The following DNAH10 variants were observed in gnomAD, a reference collection of about 807,000 sequenced individuals.
The protein encoded by DNAH10 is dynein axonemal heavy chain 10, also known as axonemal beta dynein heavy chain 10.
DNAH10 carries 348 observed loss-of-function variants against 506.6 expected under a neutral mutation model. The observed-to-expected ratio is 0.69, with a 90% CI of 0.63 to 0.75. The LOEUF (loss-of-function observed/expected upper bound fraction) is 0.75. DNAH10 is among the 30% of genes least tolerant of loss of function. The probability of loss-of-function intolerance (pLI) is 0.00; values close to 1 mark genes in which losing one functional copy is unlikely to be tolerated. For missense variants in DNAH10, 5,179 were observed against 5,787.1 expected (o/e 0.89, Z 3.41); for synonymous variants, 2,059 against 2,198.6 (o/e 0.94, Z 1.78).
chr12:123,773,049 C>G, intron 4 of DNAH10, 107 bp downstream of exon 4: 3 of 748,618 alleles, frequency 4.0e-6, no homozygotes, highest in Non-Finnish European at 6.6e-6. Context: ...TTCACCTATG[C>G]CAAGCTCTCT....
intron 9 of DNAH10, 115 bp downstream of exon 9, chr12:123,786,051 A>G (rs911767972): frequency 3.9e-5 from 47 of 1,198,634 alleles, no homozygotes; most frequent in Non-Finnish European, 5.7e-6. Context: ...CTTAAAATGT[A>G]CAATTCACTG....
At chr12:123,921,238 C>G (rs1238298964) in intron 65 of DNAH10, among the ~76,000 whole-genome samples, 1 of 152,224 alleles carries the variant, frequency 6.6e-6, no homozygotes, top group Non-Finnish European at 1.5e-5. Context: ...AGTGAAGAGT[C>G]TTCAGCCTTT....
At chr12:123,848,585 C>A in intron 33 of DNAH10, 145 bp from the exon 34 acceptor site, 1 of 1,160,122 alleles carries the variant, frequency 8.6e-7, no homozygotes, top group Non-Finnish European at 1.2e-6. Flanking sequence ...CCAGAAAAAT[C>A]CACTAGTCAA....
At position 123,917,848 on chromosome 12, in the gene DNAH10, C is replaced by A. The variant is rs1175903717; in HGVS notation, c.11232+35C>A. The stretch of plus-strand genomic sequence containing the variant: ...ACAGTGGAAGAGGCCGTGAGTCAGG[C>A]GGGGCCTGCATGCGCCGTTGGAGCG... On this transcript the variant is annotated intron_variant, in intron 64 of 78. Transcript: ENST00000673944. This position sits in a 1 kb window ranked among gnomAD's most constrained non-coding sequence, Gnocchi z 5.6. 6.5e-7 allele frequency: 1 copy of A among 1,548,222 alleles called. No homozygotes were observed.
In DNAH10 at chr12:123,881,827, C is replaced by A. The variant is rs1449133782; in HGVS notation, c.8823+14C>A. On this transcript the variant is annotated intron_variant, in intron 51 of 78. Transcript: ENST00000673944. ...GCCAGCTGTGAGGTCAGTCCACGTA[C>A]CCTCCCAGAAATAGGTTTACGATGC... The A allele has an allele frequency of 6.8e-7, 1 of 1,466,116 alleles. No individual in the cohort carries two copies. Among genetic ancestry groups the A allele is most frequent in the Non-Finnish European group, 9.0e-7 (1 of 1,107,930 alleles). 90.8% of individuals were successfully genotyped at this position (1,466,116 alleles called of 1,614,324 possible). A position where few individuals can be genotyped will look rare whatever the true frequency, so the allele number is the denominator to read the frequency against.
chr12:123,799,155 T>C, intron 13 of DNAH10, 91 bp from the exon 14 acceptor site: 1 of 755,234 alleles, frequency 1.3e-6, no homozygotes, highest in African/African-American at 1.9e-5. Context: ...TTATATATTA[T>C]ATTTATAATT....
Position 123,879,745 on chromosome 12 carries a change from G to T in DNAH10, c.8578G>T (p.Glu2860Ter). The T allele has an allele frequency of 1.2e-6, 2 of 1,614,032 alleles. No homozygotes were observed. Among genetic ancestry groups the T allele is most frequent in the Non-Finnish European group, 1.7e-6 (2 of 1,179,890 alleles). The change falls in exon 50 of 79, where the codon GAA becomes TAA. Residue 2860 changes from glutamate (E) to a stop codon, truncating the protein, a stop_gained. Coordinates refer to ENST00000673944, the MANE Select transcript of DNAH10 (RefSeq NM_001372106.1). LOFTEE classifies it high-confidence loss of function. ...CTTCCAGATGGCTCTGCACGAAGGA[G>T]AACCACGCATTTATGAAGACATCCA... ...GDFQMALHEG[E>*]PRIYEDIQDY...
chr12:123,893,168 T>C (rs1460377176), intron 52 of DNAH10, 65 bp from the exon 53 acceptor site: 3 of 1,503,268 alleles, frequency 2.0e-6, no homozygotes, highest in Non-Finnish European at 2.7e-6. Context: ...CATCACTCAG[T>C]CAGCACTTAG....
At chr12:123,799,189 G>GCCGTT in intron 13 of DNAH10, 57 bp from the exon 14 acceptor site, 1 of 1,220,164 alleles carries the variant, frequency 8.2e-7, no homozygotes, top group Non-Finnish European at 1.1e-6. Flanking sequence ...TGTGTAGAGC[G>GCCGTT]AGATGAAAAA....
chr12:123,884,833 C>T (rs1243254991), intron 51 of DNAH10, among the ~76,000 whole-genome samples: 1 of 152,156 alleles, frequency 6.6e-6, no homozygotes. Flanking sequence ...GCAGAAGCGT[C>T]TAAAAAAATA....
chr12:123,866,011 G>T lies in DNAH10; in HGVS notation c.7105G>T (p.Asp2369Tyr). 1.2e-6 allele frequency: 2 copies of T among 1,612,234 alleles called. No homozygotes were observed. The highest frequency in any genetic ancestry group is 1.7e-6 in the Non-Finnish European group (2 of 1,179,436). ...CTCTCGATGTGGAATGGTTTATGTG[G>T]ATCCTAAAAACTTGAAATATCGACC... ...TVSRCGMVYV[D>Y]PKNLKYRPYW... is the part of the protein sequence containing the mutation. The change falls in exon 41 of 79, where the codon GAT (aspartate) becomes TAT (tyrosine). Residue 2369 changes from aspartate (D) to tyrosine (Y), a missense_variant. By Grantham distance (160) the Asp-to-Tyr change is radical. This residue lies in a region of DNAH10 where 4,844 missense variants were observed against 5,430.5 expected (regional missense o/e 0.89). Coordinates refer to ENST00000673944, the MANE Select transcript of DNAH10 (RefSeq NM_001372106.1).
chr12:123,922,474 C>T (rs1257637886), intron 65 of DNAH10, among the ~76,000 whole-genome samples: 1 of 152,154 alleles, frequency 6.6e-6, no homozygotes, highest in East Asian at 1.9e-4. Context: ...GTGGGTAGGA[C>T]ACACTCGTGT....
chr12:123,882,077 A>G (rs1952534601), intron 51 of DNAH10: 1 of 353,356 alleles, frequency 2.8e-6, no homozygotes, highest in Non-Finnish European at 5.0e-6. Flanking sequence ...TAAGTCAAAA[A>G]TATTGTCAGT....
At chr12:123,912,752 T>C (rs1228591854) in intron 59 of DNAH10, among the ~76,000 whole-genome samples, 1 of 152,212 alleles carries the variant, frequency 6.6e-6, no homozygotes, top group Non-Finnish European at 1.5e-5. Context: ...CTCGGAATTG[T>C]ATTATTCAGA....
Position 123,846,188 on chromosome 12 carries a change from T to A in DNAH10, c.5814+34T>A, listed in dbSNP as rs370063284. On this transcript the variant is annotated intron_variant, in intron 32 of 78. Transcript: ENST00000673944. The surrounding 1 kb of genome is among the most constrained non-coding windows in gnomAD (Gnocchi z 4.5). The stretch of plus-strand genomic sequence containing the variant: ...CAGCCTGGCACTTGTGGTTACCACT[T>A]ACCTTGGGGCGGGGCATTTTCTCTA... The A allele has an allele frequency of 1.9e-6, 3 of 1,593,220 alleles. No individual in the cohort carries two copies. The highest frequency in any genetic ancestry group is 2.6e-6 in the Non-Finnish European group (3 of 1,168,842).
intron 54 of DNAH10, among the ~76,000 whole-genome samples, chr12:123,897,041 G>A (rs12307524): frequency 0.25 from 37,866 of 151,916 alleles, 4,802 homozygotes; most frequent in African/African-American, 0.29. Flanking sequence ...CCTCGAATCT[G>A]TGTTCTGTCT....
At chr12:123,874,609 A>G (rs1044510866) in intron 46 of DNAH10, among the ~76,000 whole-genome samples, 25 of 150,918 alleles carry the variant, frequency 1.7e-4, no homozygotes, top group East Asian at 5.8e-4. Context: ...CCATCTACCC[A>G]TCCATCCATC....
At chr12:123,866,465 G>C (rs1398679748) in intron 41 of DNAH10, among the ~76,000 whole-genome samples, 1 of 151,544 alleles carries the variant, frequency 6.6e-6, no homozygotes, top group African/African-American at 2.4e-5. Context: ...GGATGGTCTC[G>C]ATCTCTTGAG....
chr12:123,778,774 A>G (rs560377013), intron 5 of DNAH10, among the ~76,000 whole-genome samples: 3 of 152,282 alleles, frequency 2.0e-5, no homozygotes, highest in African/African-American at 7.2e-5. Flanking sequence ...TTCTTACTCT[A>G]TTGCTCAGGC....
Sources: allele counts gnomAD v4.1 joint callset (sites outside exome capture counted in the v4.1 genomes callset), GRCh38; gene constraint gnomAD v4.1.1; regional missense constraint gnomAD v4.1.1; non-coding constraint Gnocchi (gnomAD v3.1); transcripts MANE v1.5; gene names NCBI Gene and HGNC (gene_info 2026-07-23, HGNC 2026-07-21).